PRH1: variants seen among roughly 807,000 people sequenced by gnomAD.
PRH1 encodes proline rich protein HaeIII subfamily 1, also known as salivary acidic proline-rich phosphoprotein 1/2.
PRH1 carries 7 observed loss-of-function variants against 7.9 expected under a neutral mutation model. The observed-to-expected ratio is 0.89, with a 90% CI of 0.50 to 1.67. The LOEUF is 1.67. Ranked by LOEUF, PRH1 falls within the 40% of genes most tolerant of loss-of-function variation. The pLI, the probability that PRH1 is intolerant of heterozygous loss-of-function variation, is 0.00. For synonymous variants in PRH1, 45 were observed against 80.8 expected (o/e 0.56, Z 2.38); for missense variants, 109 against 223.6 (o/e 0.49, Z 3.27).
intron 1 of PRH1, among the ~76,000 whole-genome samples, chr12:11,046,275 C>T (rs1303122821): frequency 6.6e-6 from 1 of 152,112 alleles, no homozygotes; most frequent in African/African-American, 2.4e-5. Context: ...GTTGCTATCT[C>T]TGTCTTCACT....
intron 1 of PRH1, among the ~76,000 whole-genome samples, chr12:11,006,902 A>C (rs930884182): frequency 6.6e-6 from 1 of 152,094 alleles, no homozygotes; most frequent in South Asian, 2.1e-4. Flanking sequence ...TATACGCTGA[A>C]ATTTTTAAAA....
chr12:11,160,041 C>T (rs1028421682), intron 1 of PRH1, among the ~76,000 whole-genome samples: 2 of 152,106 alleles, frequency 1.3e-5, no homozygotes, highest in South Asian at 2.1e-4. Context: ...ACTAAAGAAG[C>T]GAAGTCGAGT....
chr12:10,978,005 T>C (rs1293239329), intron 1 of PRH1, among the ~76,000 whole-genome samples: 4 of 151,646 alleles, frequency 2.6e-5, no homozygotes, highest in Non-Finnish European at 5.9e-5. Flanking sequence ...ACAGATTCAG[T>C]GCTATTTCTG....
intron 1 of PRH1, chr12:11,022,688 T>C (rs1941722827): frequency 1.3e-6 from 1 of 770,234 alleles, no homozygotes; most frequent in African/African-American, 1.7e-5. Context: ...TTTCTGCCTT[T>C]AAATTCAGTG....
chr12:11,051,140 C>T (rs372426553), upstream of PRH1, among the ~76,000 whole-genome samples: 12 of 152,344 alleles, frequency 7.9e-5, no homozygotes, highest in East Asian at 7.7e-4. Flanking sequence ...GTGTGGGAAA[C>T]ATGTCCACCC....
At chr12:11,016,598 C>G (rs572066844) in intron 1 of PRH1, among the ~76,000 whole-genome samples, 1 of 149,038 alleles carries the variant, frequency 6.7e-6, no homozygotes, top group Admixed American at 6.7e-5. Flanking sequence ...ACCTCCGCCT[C>G]CAAAAGTGCG....
intron 1 of PRH1, among the ~76,000 whole-genome samples, chr12:11,123,180 C>CAT (rs1340815789): frequency 0.088 from 6,606 of 75,272 alleles, no homozygotes; most frequent in East Asian, 0.31. Context: ...TTTATTTTCA[C>CAT]TTCTGTATAT....
At chr12:11,099,362 A>C (rs963710326) in intron 1 of PRH1, among the ~76,000 whole-genome samples, 5 of 140,490 alleles carry the variant, frequency 3.6e-5, no homozygotes, top group Non-Finnish European at 7.9e-5. Flanking sequence ...AATTGGCCAA[A>C]CTCTATCTCC....
chr12:10,930,187 G>A, intron 2 of PRH1: 2 of 1,492,532 alleles, frequency 1.3e-6, no homozygotes, highest in Admixed American at 1.7e-5. Context: ...TGTGATCAGA[G>A]GTCCTTTATC....
In PRH1 at chr12:11,076,454, T is replaced by C. The variant is rs1285079706; in HGVS notation, n.124-29266A>G. Among the ~76,000 whole-genome samples, 8 of 132,600 alleles carry C rather than the reference T, an allele frequency of 6.0e-5. No homozygotes were observed. In the Admixed American group the frequency reaches 6.1e-4, roughly 10 times the overall value. 87.0% of individuals were successfully genotyped at this position (132,600 alleles called of 152,430 possible). A position where few individuals can be genotyped will look rare whatever the true frequency, so the allele number is the denominator to read the frequency against. On this transcript the variant is annotated intron_variant and non_coding_transcript_variant, in intron 1 of 4. Coordinates refer to the PRH1 transcript ENST00000541977. ...TTTTAAGATAGAGAATATTTGAGTTTTTTTGAGGAATATTAGGAATGGGAG... is the reference window on the plus strand; with the variant it reads ...TTTTAAGATAGAGAATATTTGAGTTCTTTTGAGGAATATTAGGAATGGGAG...
chr12:11,162,403 T>C lies in PRH1; in HGVS notation n.39+9019A>G, dbSNP rs549439674. Among the ~76,000 whole-genome samples the C allele has an allele frequency of 3.9e-5, 6 of 152,328 alleles. No individual in the cohort carries two copies. The South Asian group carries it at 8.3e-4, about 21-fold the overall frequency. On this transcript the variant is annotated intron_variant and non_coding_transcript_variant, in intron 1 of 1. Coordinates refer to the PRH1 transcript ENST00000541175. ...CACTTTATACTTTGAAGTGAAGATA[T>C]ATATATCTTGTGTTTTTTGTTTTCA... is the stretch of plus-strand genomic sequence containing the variant.
intron 1 of PRH1, among the ~76,000 whole-genome samples, chr12:10,991,363 A>T (rs1451516318): frequency 6.6e-6 from 1 of 152,164 alleles, no homozygotes; most frequent in Non-Finnish European, 1.5e-5. Context: ...CCTTACTTAT[A>T]TCATTTTTTT....
intron 1 of PRH1, among the ~76,000 whole-genome samples, chr12:11,170,326 C>A (rs1054869569): frequency 1.3e-5 from 2 of 152,134 alleles, no homozygotes; most frequent in African/African-American, 4.8e-5. Flanking sequence ...GCGGGCAGAT[C>A]ACGAGGTCAG....
chr12:10,997,091 A>T lies in PRH1; in HGVS notation c.-125-23370T>A, dbSNP rs766115666. The T allele has an allele frequency of 2.2e-5, 35 of 1,613,990 alleles. No individual in the cohort carries two copies. Among genetic ancestry groups the T allele is most frequent in the Middle Eastern group, 1.6e-4 (1 of 6,084 alleles). ...TATGATTCCAAAAGCTTGGCAAAGC[A>T]TTAAGACAATTTCTTTTGGTCGCAT... On this transcript the variant is annotated intron_variant, in intron 1 of 3. Transcript: ENST00000539853.
intron 1 of PRH1, among the ~76,000 whole-genome samples, chr12:11,081,629 T>C (rs1386715729): frequency 5.5e-4 from 52 of 94,148 alleles, no homozygotes; most frequent in Admixed American, 8.8e-4. Context: ...CAAACTCTGC[T>C]AACAGGCAAA....
chr12:11,041,868 C>T (rs577418507), intron 1 of PRH1, among the ~76,000 whole-genome samples: 1 of 152,112 alleles, frequency 6.6e-6, no homozygotes, highest in African/African-American at 2.4e-5. Flanking sequence ...ACAATATGCT[C>T]CTGAATGACC....
Position 11,074,763 on chromosome 12 carries a change from G to A in PRH1, n.124-27575C>T, listed in dbSNP as rs1944228692. ...AATGTAAGGAAGAAAAGCAAAGATG[G>A]TAGTTCTGCCACAAAATAACTTTGG... On this transcript the variant is annotated intron_variant and non_coding_transcript_variant, in intron 1 of 4. Transcript: ENST00000541977. 1.7e-5 allele frequency among the ~76,000 whole-genome samples: 2 copies of A among 115,594 alleles called. 1 individual carries two copies. The highest frequency in any genetic ancestry group is 4.1e-5 in the Non-Finnish European group (2 of 48,842). The allele number at this position is 115,594 out of a possible 152,430, so 75.8% of individuals were successfully genotyped here.
At chr12:11,100,252 T>C (rs565818164) in intron 1 of PRH1, among the ~76,000 whole-genome samples, 14 of 152,006 alleles carry the variant, frequency 9.2e-5, no homozygotes, top group African/African-American at 1.2e-4. Flanking sequence ...ACACTGAAAA[T>C]AGGCTAAGTC....
intron 1 of PRH1, among the ~76,000 whole-genome samples, chr12:11,154,416 G>T (rs183840789): frequency 1.5e-4 from 23 of 152,214 alleles, no homozygotes; most frequent in Non-Finnish European, 2.9e-4. Context: ...CCAAAGCAGG[G>T]GCCAGACAAT....
Sources: allele counts gnomAD v4.1 joint callset (sites outside exome capture counted in the v4.1 genomes callset), GRCh38; gene constraint gnomAD v4.1.1; transcripts MANE v1.5; gene names NCBI Gene and HGNC (gene_info 2026-07-23, HGNC 2026-07-21).